Variants in STAT5B observed in about 807,000 individuals in gnomAD.
STAT5B encodes transcription factor STAT5B.
In STAT5B, 21 loss-of-function variants were observed where a neutral mutation model predicts 107.8. The ratio of observed to expected loss-of-function variants is 0.19; its 90% confidence interval spans 0.14 to 0.28. The LOEUF (loss-of-function observed/expected upper bound fraction) is 0.28, where lower values mean the gene tolerates loss of function less well. STAT5B is among the 10% of genes least tolerant of loss of function. The pLI, the probability that STAT5B is intolerant of heterozygous loss-of-function variation, is 1.00. For missense variants in STAT5B, 565 were observed against 1,008.2 expected (o/e 0.56, Z 5.95); for synonymous variants, 325 against 401.7 (o/e 0.81, Z 2.28).
intron 1 of STAT5B, among the ~76,000 whole-genome samples, chr17:42,253,133 TTTC>T (rs2080513629): frequency 1.3e-5 from 2 of 152,212 alleles, no homozygotes; most frequent in Admixed American, 6.5e-5. Context: ...TCTTTCTTTC[TTTC>T]TTTTTTTCAT....
rs752406003 is a variant in STAT5B at position 42,212,101 on chromosome 17, G to A, written c.1563C>T (p.Ser521=). ...GGTTCTCCTTGGTCAGGCCCCGGTT[G>A]CTCTGCACTTCGGCCTTGAATTTCA... ...LNMKFKAEVQ[S]NRGLTKENLV... The change falls in exon 13 of 19, where the codon AGC becomes AGT. Residue 521 remains serine, a synonymous_variant. Transcript: ENST00000293328. 1.9e-6 allele frequency: 3 copies of A among 1,614,146 alleles called. No homozygotes were observed. Among genetic ancestry groups the A allele is most frequent in the Non-Finnish European group, 1.7e-6 (2 of 1,179,998 alleles).
Position 42,201,827 on chromosome 17 carries a change from G to T in STAT5B, c.2275C>A (p.Leu759Met), listed in dbSNP as rs2080046761. The change falls in exon 19 of 19, where the codon CTG becomes ATG. Residue 759 changes from leucine to methionine, a missense_variant. By Grantham distance (15) the Leu-to-Met change is conservative. Around this residue, in one of 11 missense-constraint regions of STAT5B, gnomAD observed 76 missense variants for 110.2 expected, o/e 0.69. Transcript: ENST00000293328. ...CGCGCTACGTCCATTGTGTCCTCCA[G>T]ATCGAAGTCCCCATCGGTGTCAAGG... Reference protein sequence around the residue: ...SVLDTDGDFDLEDTMDVARRV... With the variant: ...SVLDTDGDFDMEDTMDVARRV... 1 of 1,613,940 alleles carries T rather than the reference G, an allele frequency of 6.2e-7. No individual in the cohort carries two copies. Among genetic ancestry groups the T allele is most frequent in the Non-Finnish European group, 8.5e-7 (1 of 1,180,010 alleles).
intron 1 of STAT5B, among the ~76,000 whole-genome samples, chr17:42,259,902 T>C (rs142821447): frequency 0.014 from 2,088 of 152,294 alleles, 39 homozygotes; most frequent in African/African-American, 0.048. Context: ...GTGCAGGATG[T>C]GCAGATTTGT....
At chr17:42,217,329 C>A (rs533424465) in intron 10 of STAT5B, 47 bp from the exon 11 acceptor site, 1 of 1,614,050 alleles carries the variant, frequency 6.2e-7, no homozygotes, top group African/African-American at 1.3e-5. Flanking sequence ...AAGTTGTTCC[C>A]CTCAAAGACC....
At chr17:42,248,896 A>G (rs1006285912) in intron 1 of STAT5B, among the ~76,000 whole-genome samples, 1 of 152,260 alleles carries the variant, frequency 6.6e-6, no homozygotes, top group African/African-American at 2.4e-5. Flanking sequence ...GTAAAGCTCC[A>G]GATAAAAACA....
chr17:42,286,455 T>A, the STAT5B span, among the ~76,000 whole-genome samples: 1 of 152,060 alleles, frequency 6.6e-6, no homozygotes, highest in Non-Finnish European at 1.5e-5. Context: ...CAATGCTAGC[T>A]TTTTAGGACC....
chr17:42,226,517 G>A (rs564383562), intron 3 of STAT5B, among the ~76,000 whole-genome samples: 1 of 152,150 alleles, frequency 6.6e-6, no homozygotes, highest in African/African-American at 2.4e-5. Context: ...CTTAGAAAAT[G>A]CACAGAGGGG....
At chr17:42,228,407 T>C (rs2080291762) in intron 2 of STAT5B, among the ~76,000 whole-genome samples, 2 of 152,208 alleles carry the variant, frequency 1.3e-5, no homozygotes, top group Admixed American at 6.6e-5. Flanking sequence ...TTTCCTTCTT[T>C]CCTTCCGTTC....
chr17:42,210,360 A>G (rs1469311018), intron 14 of STAT5B, 43 bp downstream of exon 14: 1 of 1,614,182 alleles, frequency 6.2e-7, no homozygotes, highest in Non-Finnish European at 8.5e-7. Context: ...CAGAGAGAAG[A>G]CCTTCAGACT....
chr17:42,261,168 A>G (rs2080592982), intron 1 of STAT5B, among the ~76,000 whole-genome samples: 1 of 152,116 alleles, frequency 6.6e-6, no homozygotes, highest in Non-Finnish European at 1.5e-5. Flanking sequence ...TCAGCCTCCC[A>G]AAGTGTTAGG....
chr17:42,260,609 A>G (rs2080586560), intron 1 of STAT5B, among the ~76,000 whole-genome samples: 1 of 152,066 alleles, frequency 6.6e-6, no homozygotes, highest in Admixed American at 6.6e-5. Context: ...ACTGGGTCTC[A>G]CTATGTTGCC....
At chr17:42,225,112 T>G (rs1010035651) in intron 3 of STAT5B, among the ~76,000 whole-genome samples, 12 of 152,150 alleles carry the variant, frequency 7.9e-5, no homozygotes, top group Non-Finnish European at 1.3e-4. Context: ...TGGAGTGCAG[T>G]GGCACAACCT....
At chr17:42,223,223 C>T (rs571661558) in intron 5 of STAT5B, among the ~76,000 whole-genome samples, 159 bp downstream of exon 5, 18 of 152,232 alleles carry the variant, frequency 1.2e-4, no homozygotes, top group South Asian at 1.0e-3. Flanking sequence ...TAAATCTCAT[C>T]CTCTCAGCAC....
chr17:42,228,092 G>GACTCTTCTACATGTCCTT (rs1474613208), intron 2 of STAT5B, among the ~76,000 whole-genome samples: 1 of 152,194 alleles, frequency 6.6e-6, no homozygotes, highest in African/African-American at 2.4e-5. Context: ...ACAAGGCCAA[G>GACTCTTCTACATGTCCTT]ACTCTTCTAC....
intron 5 of STAT5B, among the ~76,000 whole-genome samples, chr17:42,222,469 C>A (rs2144264058): frequency 6.6e-6 from 1 of 152,184 alleles, no homozygotes; most frequent in South Asian, 2.1e-4. Context: ...TCAGGAAGAC[C>A]TCTGTGAATA....
chr17:42,281,184 G>A (rs1158181154), upstream of STAT5B, among the ~76,000 whole-genome samples: 1 of 151,948 alleles, frequency 6.6e-6, no homozygotes, highest in Non-Finnish European at 1.5e-5. Context: ...GTGTGACTTT[G>A]GTCTAGGTAC....
intron 2 of STAT5B, among the ~76,000 whole-genome samples, chr17:42,229,864 C>CA (rs879809112): frequency 1.3e-3 from 177 of 131,538 alleles, no homozygotes; most frequent in South Asian, 7.5e-3. Context: ...GACTCCATCT[C>CA]AAAAAAAAAA....
At chr17:42,282,865 T>A in the STAT5B span, among the ~76,000 whole-genome samples, 1 of 152,132 alleles carries the variant, frequency 6.6e-6, no homozygotes, top group Non-Finnish European at 1.5e-5. Context: ...GGAATGACAT[T>A]CCAGGTAGAT....
upstream of STAT5B, among the ~76,000 whole-genome samples, chr17:42,280,761 C>T (rs2080792159): frequency 6.6e-6 from 1 of 152,150 alleles, no homozygotes; most frequent in Non-Finnish European, 1.5e-5. Flanking sequence ...TCGGAGGGCT[C>T]TGTCAGTGCC....
Sources: gnomAD v4.1 joint callset for allele counts (sites outside exome capture counted in the v4.1 genomes callset) on GRCh38, gnomAD v4.1.1 for gene constraint, gnomAD v4.1.1 regional missense constraint, MANE v1.5 for transcripts, NCBI Gene and HGNC (gene_info 2026-07-23, HGNC 2026-07-21) for gene names.